The following KHDRBS2 variants were observed in gnomAD, a reference collection of about 807,000 sequenced individuals.
KHDRBS2 encodes the protein KH domain-containing, RNA-binding, signal transduction-associated protein 2.
A neutral mutation model predicts 44.3 loss-of-function variants in KHDRBS2; 26 were observed. The ratio of observed to expected loss-of-function variants is 0.59; its 90% CI spans 0.43 to 0.81. The LOEUF is 0.81. KHDRBS2 is among the 40% of genes least tolerant of loss of function. The pLI, the probability that KHDRBS2 is intolerant of heterozygous loss-of-function variation, is 0.00. For missense variants in KHDRBS2, 476 were observed against 433.1 expected, an observed-to-expected ratio of 1.10 and a Z score of -0.88; for synonymous variants, 194 against 151.1, an observed-to-expected ratio of 1.28 and a Z score of -2.08.
At chr6:61,742,739 A>G (rs1232674371) in intron 6 of KHDRBS2, among the ~76,000 whole-genome samples, 1 of 152,046 alleles carries the variant, frequency 6.6e-6, no homozygotes, top group Non-Finnish European at 1.5e-5. Context: ...ATAAAGGTAC[A>G]CATCCTCAGT....
chr6:62,112,645 AAG>A (rs965857488), intron 2 of KHDRBS2, among the ~76,000 whole-genome samples: 1 of 152,138 alleles, frequency 6.6e-6, no homozygotes, highest in Non-Finnish European at 1.5e-5. Context: ...TATATAATGA[AAG>A]AGTGGTAGCA....
intron 6 of KHDRBS2, among the ~76,000 whole-genome samples, chr6:61,822,192 C>T (rs1790023262): frequency 6.6e-6 from 1 of 151,916 alleles, no homozygotes; most frequent in South Asian, 2.1e-4. Flanking sequence ...TCTAGGCTAA[C>T]CTATAGGTAC....
At chr6:61,612,566 ATAG>A in the KHDRBS2 span, among the ~76,000 whole-genome samples, 1 of 152,234 alleles carries the variant, frequency 6.6e-6, no homozygotes, top group African/African-American at 2.4e-5. Context: ...AATGCTTACC[ATAG>A]TGCCAGGCAC....
At chr6:62,157,151 C>G (rs1476052795) in intron 2 of KHDRBS2, among the ~76,000 whole-genome samples, 1 of 151,214 alleles carries the variant, frequency 6.6e-6, no homozygotes, top group Non-Finnish European at 1.5e-5. Flanking sequence ...GTCAAGTGAT[C>G]GAGACCATCC....
At chr6:61,600,930 T>A in the KHDRBS2 span, among the ~76,000 whole-genome samples, 204 of 152,168 alleles carry the variant, frequency 1.3e-3, no homozygotes, top group Non-Finnish European at 1.1e-3. Context: ...ATGCGTTTTA[T>A]CTATGGACCC....
intron 4 of KHDRBS2, among the ~76,000 whole-genome samples, chr6:61,930,322 CCTT>C (rs1185553475): frequency 6.6e-6 from 1 of 151,850 alleles, no homozygotes; most frequent in Non-Finnish European, 1.5e-5. Context: ...TAAATTAACA[CCTT>C]CTTCAAATCA....
At chr6:62,088,850 G>A (rs138121642) in intron 2 of KHDRBS2, among the ~76,000 whole-genome samples, 52 of 152,218 alleles carry the variant, frequency 3.4e-4, no homozygotes, top group African/African-American at 9.4e-4. Context: ...GCTCTGTCCC[G>A]GGTAGATGGG....
At chr6:62,009,336 C>A (rs1204272120) in intron 3 of KHDRBS2, among the ~76,000 whole-genome samples, 1 of 152,066 alleles carries the variant, frequency 6.6e-6, no homozygotes, top group Non-Finnish European at 1.5e-5. Flanking sequence ...TTCTAATCAG[C>A]AAAGCATTCA....
chr6:62,279,039 A>C (rs1455081657), intron 1 of KHDRBS2, among the ~76,000 whole-genome samples: 1 of 152,156 alleles, frequency 6.6e-6, no homozygotes, highest in East Asian at 1.9e-4. Flanking sequence ...GCTTGCAGTG[A>C]GCTGAGATTG....
chr6:61,609,968 T>TAG, the KHDRBS2 span, among the ~76,000 whole-genome samples: 1 of 152,120 alleles, frequency 6.6e-6, no homozygotes, highest in Non-Finnish European at 1.5e-5. Flanking sequence ...GGTCAGGAGA[T>TAG]AGATACCAAC....
the KHDRBS2 span, among the ~76,000 whole-genome samples, chr6:61,592,206 AAAAAAG>A: frequency 3.3e-5 from 5 of 151,192 alleles, no homozygotes; most frequent in Non-Finnish European, 7.4e-5. Flanking sequence ...AAAAAAAAAA[AAAAAAG>A]AGGAAAGAGA....
chr6:62,049,538 T>C (rs1296431400), intron 2 of KHDRBS2, among the ~76,000 whole-genome samples: 1 of 151,982 alleles, frequency 6.6e-6, no homozygotes, highest in Non-Finnish European at 1.5e-5. Context: ...AAGCTTTTAT[T>C]CATATGTTCG....
chr6:61,879,383 T>C (rs1287402298), intron 6 of KHDRBS2, among the ~76,000 whole-genome samples: 1 of 151,922 alleles, frequency 6.6e-6, no homozygotes, highest in African/African-American at 2.4e-5. Context: ...CTGTTTCCTT[T>C]TTAAAGCCAT....
At position 61,848,487 on chromosome 6, in the gene KHDRBS2, A is replaced by G. The variant is rs866610711; in HGVS notation, c.810+46148T>C. On this transcript the variant is annotated intron_variant, in intron 6 of 8. Coordinates refer to ENST00000281156, the MANE Select transcript of KHDRBS2 (RefSeq NM_152688.4). ...GGAGGTTTTATATATATATATATAT[A>G]TATGTATATATATATATATATATGT... Among the ~76,000 whole-genome samples the G allele has an allele frequency of 6.5e-4, 28 of 42,968 alleles. 3 individuals carry two copies. The highest frequency in any genetic ancestry group is 3.4e-3 in the South Asian group (4 of 1,174). 28.2% of individuals were successfully genotyped at this position (42,968 alleles called of 152,430 possible).
At chr6:61,977,451 G>C (rs563308071) in intron 4 of KHDRBS2, among the ~76,000 whole-genome samples, 2 of 152,014 alleles carry the variant, frequency 1.3e-5, no homozygotes, top group Non-Finnish European at 2.9e-5. Flanking sequence ...TGAATTTGTT[G>C]CCCTACTAAA....
intron 6 of KHDRBS2, among the ~76,000 whole-genome samples, chr6:61,880,477 CA>C (rs1489003554): frequency 6.6e-6 from 1 of 151,740 alleles, no homozygotes; most frequent in Non-Finnish European, 1.5e-5. Flanking sequence ...AAGAAAATCT[CA>C]AACAAAATCT....
intron 1 of KHDRBS2, among the ~76,000 whole-genome samples, chr6:62,237,043 C>T (rs1163310025): frequency 2.0e-5 from 3 of 152,172 alleles, no homozygotes; most frequent in East Asian, 3.9e-4. Context: ...GAGCCTATGA[C>T]TTGCATATGA....
intron 2 of KHDRBS2, among the ~76,000 whole-genome samples, chr6:62,058,366 A>T (rs539960535): frequency 3.3e-5 from 5 of 151,998 alleles, no homozygotes; most frequent in African/African-American, 1.2e-4. Flanking sequence ...ACAATTGAAA[A>T]TATTGGAATG....
intron 6 of KHDRBS2, among the ~76,000 whole-genome samples, chr6:61,827,172 T>C (rs1299327469): frequency 2.0e-5 from 3 of 152,152 alleles, no homozygotes; most frequent in African/African-American, 7.2e-5. Context: ...ATAAACATCA[T>C]TAGGTCATTC....
Sources: gnomAD v4.1 joint callset for allele counts (sites outside exome capture counted in the v4.1 genomes callset) on GRCh38, gnomAD v4.1.1 for gene constraint, MANE v1.5 for transcripts, NCBI Gene and HGNC (gene_info 2026-07-23, HGNC 2026-07-21) for gene names.